CSNK2B: variants seen among roughly 807,000 people sequenced by gnomAD.
CSNK2B encodes the protein casein kinase 2 beta.
CSNK2B carries 2 observed loss-of-function variants against 28.8 expected under a neutral mutation model. That is an observed-to-expected ratio of 0.07 (90% CI 0.03 to 0.22). The LOEUF is 0.22. Ranked by LOEUF, CSNK2B falls within the 10% of genes least tolerant of loss-of-function variation. The pLI, the probability that CSNK2B is intolerant of heterozygous loss-of-function variation, is 1.00. For synonymous variants in CSNK2B, 89 were observed against 96.1 expected (o/e 0.93, Z 0.43); for missense variants, 107 against 277.9 (o/e 0.39, Z 4.37).
At position 31,667,512 on chromosome 6, in the gene CSNK2B, A is replaced by T. The variant is rs890697386; in HGVS notation, c.73-356A>T. ...GAAAACTGAAATGCTACACATTGAAATGTTTTGTTCAGAAACCATGCTGTT... is the reference window on the plus strand; with the variant it reads ...GAAAACTGAAATGCTACACATTGAATTGTTTTGTTCAGAAACCATGCTGTT... On this transcript the variant is annotated intron_variant, in intron 2 of 6. Coordinates refer to ENST00000375882, the MANE Select transcript of CSNK2B (RefSeq NM_001320.7). Among the ~76,000 whole-genome samples the T allele has an allele frequency of 1.9e-4, 29 of 152,310 alleles. 1 individual carries two copies. The highest frequency in any genetic ancestry group is 6.5e-4 in the African/African-American group (27 of 41,576).
chr6:31,668,160 T>C, intron 3 of CSNK2B, 190 bp downstream of exon 3: 2 of 645,120 alleles, frequency 3.1e-6, no homozygotes, highest in Non-Finnish European at 5.5e-6. Flanking sequence ...TTCTCATGTT[T>C]TCTAAATCCG....
In CSNK2B at chr6:31,667,880, T is replaced by C. The variant is rs1392974036; in HGVS notation, c.85T>C (p.Tyr29His). The change falls in exon 3 of 7, where the codon TAC becomes CAC. Residue 29 changes from tyrosine to histidine, a missense_variant. Transcript: ENST00000375882. ...NEFFCEVDED[Y>H]IQDKFNLTGL... Reference sequence around the variant, plus strand: ...CATGTCCTGACAGGTGGATGAAGACTACATCCAGGACAAATTTAATCTTAC... The same window carrying C: ...CATGTCCTGACAGGTGGATGAAGACCACATCCAGGACAAATTTAATCTTAC... 1.3e-6 allele frequency: 2 copies of C among 1,509,394 alleles called. No homozygotes were observed. Among genetic ancestry groups the C allele is most frequent in the East Asian group, 2.4e-5 (1 of 42,092 alleles). The allele number at this position is 1,509,394 out of a possible 1,614,324, so 93.5% of individuals were successfully genotyped here. A position where few individuals can be genotyped will look rare whatever the true frequency, so the allele number is the denominator to read the frequency against.
rs1465428917 is a variant in CSNK2B at position 31,668,902 on chromosome 6, A to G, written c.292-195A>G. On this transcript the variant is annotated intron_variant, in intron 4 of 6. Coordinates refer to ENST00000375882, the MANE Select transcript of CSNK2B (RefSeq NM_001320.7). ...CTCTTCCTCAAGGAACAAACAACAA[A>G]TGGCTCTGATGGTTTGTAGCCTGCC... 3 of 612,420 alleles carry G rather than the reference A, an allele frequency of 4.9e-6. No homozygotes were observed. The African/African-American group carries it at 5.5e-5, about 11-fold the overall frequency. The allele number at this position is 612,420 out of a possible 1,614,324, so 37.9% of individuals were successfully genotyped here. A position where few individuals can be genotyped will look rare whatever the true frequency, so the allele number is the denominator to read the frequency against.
At position 31,669,638 on chromosome 6, in the gene CSNK2B, T is replaced by C. The variant is rs543850933; in HGVS notation, c.557+130T>C. Reference sequence around the variant, plus strand: ...TCAGGGCATCTCCCTGCTGAGTGACTGTGGGAAAGTTATTTGATTATCTGT... The same window carrying C: ...TCAGGGCATCTCCCTGCTGAGTGACCGTGGGAAAGTTATTTGATTATCTGT... On this transcript the variant is annotated intron_variant, in intron 6 of 6. Coordinates refer to ENST00000375882, the MANE Select transcript of CSNK2B (RefSeq NM_001320.7). This position sits in a 1 kb window ranked among gnomAD's most constrained non-coding sequence, Gnocchi z 4.8. 862 of 1,131,104 alleles carry C rather than the reference T, an allele frequency of 7.6e-4. 7 individuals carry two copies. Among genetic ancestry groups the C allele is most frequent in the Non-Finnish European group, 1.6e-4 (126 of 797,012 alleles). 70.1% of individuals were successfully genotyped at this position (1,131,104 alleles called of 1,614,324 possible).
chr6:31,667,014 C>T (rs1398542404), intron 2 of CSNK2B, 111 bp downstream of exon 2: 9 of 971,940 alleles, frequency 9.3e-6, no homozygotes, highest in South Asian at 1.4e-5. Flanking sequence ...TGAAAACTTC[C>T]TATCAGCAAA....
chr6:31,669,748 G>A lies in CSNK2B; in HGVS notation c.558-88G>A. ...TAGCTCTGAGCAGGTCCATAGAGGA[G>A]CTCAGGTGGGGAGGTGGGAATGCAG... On this transcript the variant is annotated intron_variant, in intron 6 of 6. Coordinates refer to ENST00000375882, the MANE Select transcript of CSNK2B (RefSeq NM_001320.7). The surrounding 1 kb of genome is among the most constrained non-coding windows in gnomAD (Gnocchi z 4.8). The A allele has an allele frequency of 1.6e-6, 2 of 1,221,266 alleles. No homozygotes were observed. The highest frequency in any genetic ancestry group is 2.3e-6 in the Non-Finnish European group (2 of 863,484). The allele number at this position is 1,221,266 out of a possible 1,614,324, so 75.7% of individuals were successfully genotyped here. A position where few individuals can be genotyped will look rare whatever the true frequency, so the allele number is the denominator to read the frequency against.
intron 3 of CSNK2B, 115 bp downstream of exon 3, chr6:31,668,085 CA>C: frequency 8.1e-6 from 6 of 745,022 alleles, no homozygotes; most frequent in Non-Finnish European, 9.6e-6. Context: ...TCTTTAACCC[CA>C]AATTCATGCT....
chr6:31,669,308 C>A lies in CSNK2B; in HGVS notation c.368-11C>A. ...GGGATACCTGGCCTGCTGAGTCTGG[C>A]TGTCTCCCAGGCCTTTCAGACATCC... On this transcript the variant is annotated splice_polypyrimidine_tract_variant and intron_variant, in intron 5 of 6. Transcript: ENST00000375882. This position sits in a 1 kb window ranked among gnomAD's most constrained non-coding sequence, Gnocchi z 4.8. 1 of 1,608,702 alleles carries A rather than the reference C, an allele frequency of 6.2e-7. No homozygotes were observed. The highest frequency in any genetic ancestry group is 1.1e-5 in the South Asian group (1 of 90,756).
chr6:31,668,666 C>T lies in CSNK2B; in HGVS notation c.291+12C>T, dbSNP rs1389720999. On this transcript the variant is annotated intron_variant, in intron 4 of 6. Transcript: ENST00000375882. ...GCATCGCCCAGATGGTGAGGCCTCT[C>T]TGCTCCTACCTGCCTCCTTCTGAGC... The T allele has an allele frequency of 1.2e-6, 2 of 1,600,854 alleles. No individual in the cohort carries two copies. Among genetic ancestry groups the T allele is most frequent in the African/African-American group, 2.7e-5 (2 of 74,690 alleles).
intron 2 of CSNK2B, chr6:31,667,261 A>G: frequency 2.3e-6 from 1 of 433,236 alleles, no homozygotes; most frequent in Non-Finnish European, 4.5e-6. Flanking sequence ...CCTCCCAAGT[A>G]GCTGGGATTA....
In CSNK2B at chr6:31,668,911, A is replaced by T. The variant is rs1380880994; in HGVS notation, c.292-186A>T. Reference sequence around the variant, plus strand: ...AAGGAACAAACAACAAATGGCTCTGATGGTTTGTAGCCTGCCTAATTGGAA... The same window carrying T: ...AAGGAACAAACAACAAATGGCTCTGTTGGTTTGTAGCCTGCCTAATTGGAA... On this transcript the variant is annotated intron_variant, in intron 4 of 6. Transcript: ENST00000375882. The T allele has an allele frequency of 6.5e-5, 40 of 615,956 alleles. No homozygotes were observed. In the Admixed American group the frequency reaches 1.1e-3, roughly 17 times the overall value. The allele number at this position is 615,956 out of a possible 1,614,324, so 38.2% of individuals were successfully genotyped here. A position where few individuals can be genotyped will look rare whatever the true frequency, so the allele number is the denominator to read the frequency against.
At chr6:31,668,437 T>C (rs1801950007) in intron 3 of CSNK2B, 102 bp from the exon 4 acceptor site, 9 of 982,964 alleles carry the variant, frequency 9.2e-6, no homozygotes, top group Non-Finnish European at 3.1e-6. Flanking sequence ...GGCCCAAAAG[T>C]AGGTGCTAGG....
chr6:31,669,356 C>T lies in CSNK2B; in HGVS notation c.405C>T (p.Leu135=). ...SDIPGEAMVK[L]YCPKCMDVYT... ...TCCCAGGTGAAGCCATGGTGAAGCT[C>T]TACTGCCCCAAGTGCATGGATGTGT... The change falls in exon 6 of 7, where the codon CTC becomes CTT. Residue 135 remains leucine (L), a synonymous_variant. Transcript: ENST00000375882. The surrounding 1 kb of genome is among the most constrained non-coding windows in gnomAD (Gnocchi z 4.8). 2 of 1,613,988 alleles carry T rather than the reference C, an allele frequency of 1.2e-6. No individual in the cohort carries two copies. Among genetic ancestry groups the T allele is most frequent in the Non-Finnish European group, 1.7e-6 (2 of 1,179,902 alleles).
chr6:31,667,164 C>T (rs770421443), intron 2 of CSNK2B: 13 of 641,242 alleles, frequency 2.0e-5, no homozygotes, highest in Admixed American at 1.0e-4. Flanking sequence ...CTGGGTCTCA[C>T]TCTGTCACCG....
chr6:31,668,860 G>T, intron 4 of CSNK2B: 1 of 614,692 alleles, frequency 1.6e-6, no homozygotes, highest in Non-Finnish European at 2.9e-6. Context: ...TTGAATCAGA[G>T]AGTTGTGATA....
At chr6:31,666,722 C>G (rs1801739420) in intron 1 of CSNK2B, 99 bp from the exon 2 acceptor site, 1 of 913,006 alleles carries the variant, frequency 1.1e-6, no homozygotes, top group Non-Finnish European at 1.7e-6. Context: ...AGGGTGGTTC[C>G]GAATTCTCCC....
chr6:31,666,124 C>G lies in CSNK2B; in HGVS notation c.-96C>G. The G allele has an allele frequency of 3.0e-6, 3 of 994,750 alleles. No homozygotes were observed. The highest frequency in any genetic ancestry group is 3.6e-6 in the Non-Finnish European group (3 of 834,026). 61.6% of individuals were successfully genotyped at this position (994,750 alleles called of 1,614,324 possible). ...CCACTTCGCCTGCCGCGGTCGGGTC[C>G]GCGGCCTGCGCTGTAGCGGTCGCCG... is the stretch of plus-strand genomic sequence containing the variant. On this transcript the variant is annotated 5_prime_UTR_variant, in exon 1 of 7. Transcript: ENST00000375882.
chr6:31,668,937 GA>G, intron 4 of CSNK2B, 159 bp from the exon 5 acceptor site: 1 of 628,940 alleles, frequency 1.6e-6, no homozygotes, highest in Non-Finnish European at 2.8e-6. Context: ...CTAATTGGAA[GA>G]AAGGCAACAC....
Position 31,669,076 on chromosome 6 carries a change from C to A in CSNK2B, c.292-21C>A. The A allele has an allele frequency of 6.2e-7, 1 of 1,605,148 alleles. No individual in the cohort carries two copies. The highest frequency in any genetic ancestry group is 8.5e-7 in the Non-Finnish European group (1 of 1,172,850). ...CTTCTTTACATCTACCTGCCAACCC[C>A]TTCCATTGTATTCACCTCAGTTGGA... On this transcript the variant is annotated intron_variant, in intron 4 of 6. Coordinates refer to ENST00000375882, the MANE Select transcript of CSNK2B (RefSeq NM_001320.7). The surrounding 1 kb of genome is among the most constrained non-coding windows in gnomAD (Gnocchi z 4.8).
Sources: gnomAD v4.1 joint callset for allele counts (sites outside exome capture counted in the v4.1 genomes callset) on GRCh38, gnomAD v4.1.1 for gene constraint, Gnocchi (gnomAD v3.1) non-coding constraint, MANE v1.5 for transcripts, NCBI Gene and HGNC (gene_info 2026-07-23, HGNC 2026-07-21) for gene names.